The following CDH18 variants were observed in gnomAD, a reference collection of about 807,000 sequenced individuals.
The protein encoded by CDH18 is cadherin 18.
A neutral mutation model predicts 67.9 loss-of-function variants in CDH18; 31 were observed. The ratio of observed to expected loss-of-function variants is 0.46; its 90% CI spans 0.34 to 0.62. The LOEUF is 0.62. Ranked by LOEUF, CDH18 falls within the 20% of genes least tolerant of loss-of-function variation. The pLI, the probability that CDH18 is intolerant of heterozygous loss-of-function variation, is 0.01. For synonymous variants in CDH18, 362 were observed against 347.2 expected (o/e 1.04, Z -0.48); for missense variants, 890 against 975.5 (o/e 0.91, Z 1.17).
chr5:19,550,017 A>G (rs2127133485), intron 8 of CDH18, among the ~76,000 whole-genome samples: 1 of 152,278 alleles, frequency 6.6e-6, no homozygotes, highest in East Asian at 1.9e-4. Flanking sequence ...TGATGATTTC[A>G]TATGACATAT....
At position 20,278,809 on chromosome 5, in the gene CDH18, G is replaced by A. The variant is rs146339146; in HGVS notation, c.-579-23304C>T. ...GATTGCTTATGCAATCAGTTAAGTT[G>A]TATTATTTTAAAATAGTGGGTTATA... is the stretch of plus-strand genomic sequence containing the variant. On this transcript the variant is annotated intron_variant, in intron 1 of 14. Transcript: ENST00000507958. Among the ~76,000 whole-genome samples, 3 of 152,116 alleles carry A rather than the reference G, an allele frequency of 2.0e-5. No individual in the cohort carries two copies. In the East Asian group the frequency reaches 5.8e-4, roughly 29 times the overall value.
chr5:19,647,261 G>A (rs1224173901), intron 5 of CDH18, among the ~76,000 whole-genome samples: 3 of 151,666 alleles, frequency 2.0e-5, no homozygotes, highest in Admixed American at 2.0e-4. Flanking sequence ...AGTGACTCAC[G>A]CCTACAATCC....
chr5:19,974,445 G>C (rs968111557), intron 2 of CDH18, among the ~76,000 whole-genome samples: 1 of 145,610 alleles, frequency 6.9e-6, no homozygotes, highest in African/African-American at 2.6e-5. Context: ...GCAGAATCCA[G>C]GAGGCAGAGG....
chr5:20,431,930 C>T (rs189115879), intron 1 of CDH18, among the ~76,000 whole-genome samples: 173 of 152,174 alleles, frequency 1.1e-3, no homozygotes, highest in African/African-American at 4.0e-3. Context: ...CAAACTGCCC[C>T]GTGACTTTTT....
At chr5:19,545,860 T>A (rs1314544740) in intron 8 of CDH18, among the ~76,000 whole-genome samples, 1 of 152,212 alleles carries the variant, frequency 6.6e-6, no homozygotes, top group Non-Finnish European at 1.5e-5. Flanking sequence ...TTTGAGATGA[T>A]ATATCAGCAT....
chr5:20,311,084 A>AAAAAC (rs779090815), intron 1 of CDH18, among the ~76,000 whole-genome samples: 6 of 152,120 alleles, frequency 3.9e-5, no homozygotes, highest in East Asian at 1.9e-4. Flanking sequence ...CTGACCCTTA[A>AAAAAC]AAAACAAAAC....
intron 1 of CDH18, among the ~76,000 whole-genome samples, chr5:20,548,570 A>G (rs1757467127): frequency 6.6e-6 from 1 of 152,144 alleles, no homozygotes; most frequent in South Asian, 2.1e-4. Flanking sequence ...AACAATGCTC[A>G]TCTCACAGAA....
At chr5:20,445,925 T>G (rs1749962783) in intron 1 of CDH18, among the ~76,000 whole-genome samples, 1 of 152,104 alleles carries the variant, frequency 6.6e-6, no homozygotes, top group Non-Finnish European at 1.5e-5. Context: ...AATCAACTGC[T>G]TTTTACAGAA....
chr5:20,563,652 C>A (rs765992139), intron 1 of CDH18, among the ~76,000 whole-genome samples: 3 of 152,054 alleles, frequency 2.0e-5, no homozygotes, highest in Non-Finnish European at 4.4e-5. Flanking sequence ...GTTTGAGAAT[C>A]TTTTGCTGCT....
intron 2 of CDH18, among the ~76,000 whole-genome samples, chr5:20,071,120 T>C (rs1483365390): frequency 2.6e-5 from 4 of 152,148 alleles, no homozygotes; most frequent in African/African-American, 9.7e-5. Context: ...TCATCTAATG[T>C]AGCAGATAAA....
chr5:20,361,761 A>T (rs1742106227), intron 1 of CDH18, among the ~76,000 whole-genome samples: 1 of 152,066 alleles, frequency 6.6e-6, no homozygotes, highest in African/African-American at 2.4e-5. Context: ...TATATAGGTT[A>T]TTTTCATCTA....
At chr5:20,189,446 C>T (rs533554444) in intron 2 of CDH18, among the ~76,000 whole-genome samples, 1 of 152,190 alleles carries the variant, frequency 6.6e-6, no homozygotes, top group South Asian at 2.1e-4. Flanking sequence ...ATAGTTAACT[C>T]TCTCTAATGC....
chr5:20,225,861 T>A (rs1199016519), intron 2 of CDH18, among the ~76,000 whole-genome samples: 1 of 152,050 alleles, frequency 6.6e-6, no homozygotes, highest in Admixed American at 6.6e-5. Context: ...AGAGGGGATT[T>A]GAAAATATCT....
At chr5:19,598,792 G>C (rs143048927) in intron 6 of CDH18, among the ~76,000 whole-genome samples, 151 of 152,228 alleles carry the variant, frequency 9.9e-4, no homozygotes, top group South Asian at 3.7e-3. Flanking sequence ...ATGAAGAGAT[G>C]TGTTATCTTT....
At chr5:20,570,618 A>C (rs1414605999) in intron 1 of CDH18, among the ~76,000 whole-genome samples, 2 of 152,120 alleles carry the variant, frequency 1.3e-5, no homozygotes, top group African/African-American at 2.4e-5. Flanking sequence ...ATCTTCCTCT[A>C]TTCTCAGTAA....
At chr5:20,486,502 A>G in intron 1 of CDH18, among the ~76,000 whole-genome samples, 1 of 151,944 alleles carries the variant, frequency 6.6e-6, no homozygotes, top group East Asian at 1.9e-4. Context: ...CAAATTTCTG[A>G]TTATTAAAGT....
At chr5:20,276,452 C>G (rs1047244902) in intron 1 of CDH18, among the ~76,000 whole-genome samples, 1 of 152,204 alleles carries the variant, frequency 6.6e-6, no homozygotes, top group Admixed American at 6.5e-5. Context: ...AGGGAACCCA[C>G]TGTCTTGAAG....
Position 19,747,277 on chromosome 5 carries a change from T to C in CDH18, c.229-41A>G, listed in dbSNP as rs765066444. On this transcript the variant is annotated intron_variant, in intron 3 of 12. Coordinates refer to ENST00000382275, the MANE Select transcript of CDH18 (RefSeq NM_004934.5). ...GGAATAATTTAGCATATATTTATAT[T>C]CCAACCTCACATTATGTTCTCTGAA... 4 of 1,516,714 alleles carry C rather than the reference T, an allele frequency of 2.6e-6. No individual in the cohort carries two copies. In the African/African-American group the frequency reaches 5.5e-5, roughly 21 times the overall value. 94.0% of individuals were successfully genotyped at this position (1,516,714 alleles called of 1,614,324 possible). A position where few individuals can be genotyped will look rare whatever the true frequency, so the allele number is the denominator to read the frequency against.
At chr5:20,468,100 T>A (rs1350186834) in intron 1 of CDH18, among the ~76,000 whole-genome samples, 1 of 152,024 alleles carries the variant, frequency 6.6e-6, no homozygotes, top group Non-Finnish European at 1.5e-5. Context: ...CTGCAACCTC[T>A]GTCTGTCAGG....
Sources: gnomAD v4.1 joint callset for allele counts (sites outside exome capture counted in the v4.1 genomes callset) on GRCh38, gnomAD v4.1.1 for gene constraint, MANE v1.5 for transcripts, NCBI Gene and HGNC (gene_info 2026-07-23, HGNC 2026-07-21) for gene names.